ENTREP2: variants seen among roughly 807,000 people sequenced by gnomAD.
ENTREP2 encodes protein ENTREP2.
the ENTREP2 span, among the ~76,000 whole-genome samples, chr15:29,401,473 G>A: frequency 3.3e-5 from 5 of 152,152 alleles, no homozygotes; most frequent in Non-Finnish European, 5.9e-5. Context: ...CAACGAGACT[G>A]GAAACATTTT....
chr15:29,550,320 G>A, the ENTREP2 span, among the ~76,000 whole-genome samples: 7 of 152,220 alleles, frequency 4.6e-5, no homozygotes, highest in Admixed American at 3.9e-4. Context: ...AAACAGAGTT[G>A]ATCACCAATG....
the ENTREP2 span, among the ~76,000 whole-genome samples, chr15:29,253,917 G>A: frequency 6.6e-6 from 1 of 152,078 alleles, no homozygotes; most frequent in East Asian, 1.9e-4. Flanking sequence ...CTGAGGTATA[G>A]TTCATATATG....
the ENTREP2 span, among the ~76,000 whole-genome samples, chr15:29,455,131 T>C: frequency 1.3e-5 from 2 of 152,278 alleles, no homozygotes; most frequent in African/African-American, 4.8e-5. Context: ...GCTGTCTCCA[T>C]GTGAAGAAGC....
At chr15:29,618,046 T>C in the ENTREP2 span, among the ~76,000 whole-genome samples, 2 of 152,136 alleles carry the variant, frequency 1.3e-5, no homozygotes, top group African/African-American at 2.4e-5. Flanking sequence ...TTTCGTGGGC[T>C]GCCTATCTCT....
chr15:29,402,064 A>G, the ENTREP2 span, among the ~76,000 whole-genome samples: 4 of 152,102 alleles, frequency 2.6e-5, no homozygotes, highest in South Asian at 8.3e-4. Flanking sequence ...CCATGCATGT[A>G]TTATGTTAAG....
At chr15:29,234,713 C>A in the ENTREP2 span, 5 of 1,528,760 alleles carry the variant, frequency 3.3e-6, no homozygotes, top group Non-Finnish European at 4.5e-6. Flanking sequence ...ATAAGTAGTT[C>A]CATTGTGGCA....
At chr15:29,128,897 T>C in the ENTREP2 span, 3 of 1,507,762 alleles carry the variant, frequency 2.0e-6, no homozygotes, top group Non-Finnish European at 2.7e-6. Context: ...TCAAGGCGGC[T>C]GGTCCGTGGG....
the ENTREP2 span, among the ~76,000 whole-genome samples, chr15:29,161,315 G>A: frequency 1.8e-4 from 28 of 152,240 alleles, no homozygotes; most frequent in East Asian, 4.2e-3. Flanking sequence ...GCCCCATAAC[G>A]CAGCTCACCA....
the ENTREP2 span, among the ~76,000 whole-genome samples, chr15:29,489,328 G>A: frequency 7.2e-5 from 11 of 152,276 alleles, no homozygotes; most frequent in African/African-American, 2.4e-4. Context: ...ATATCAAAAG[G>A]TAATGTAATA....
chr15:29,577,312 AGG>A, the ENTREP2 span, among the ~76,000 whole-genome samples: 2 of 41,386 alleles, frequency 4.8e-5, no homozygotes, highest in African/African-American at 1.4e-4. Context: ...GGACTCAAAG[AGG>A]TGTGTGTGTG....
At chr15:29,225,995 C>T in the ENTREP2 span, among the ~76,000 whole-genome samples, 2 of 152,156 alleles carry the variant, frequency 1.3e-5, no homozygotes, top group African/African-American at 2.4e-5. Flanking sequence ...TTGTCTGACA[C>T]TGTCCACCAC....
the ENTREP2 span, chr15:29,675,306 G>C: frequency 1.3e-5 from 2 of 152,302 alleles, no homozygotes; most frequent in Non-Finnish European, 1.5e-5. Context: ...CTGGGACCGC[G>C]GGATGGGAAC....
the ENTREP2 span, among the ~76,000 whole-genome samples, chr15:29,390,225 T>C: frequency 6.6e-6 from 1 of 152,164 alleles, no homozygotes; most frequent in Non-Finnish European, 1.5e-5. Context: ...TTCTGACATG[T>C]CAGTAATCCT....
chr15:29,207,994 C>T, the ENTREP2 span, among the ~76,000 whole-genome samples: 1 of 152,310 alleles, frequency 6.6e-6, no homozygotes, highest in Admixed American at 6.5e-5. Context: ...GACACAAACC[C>T]CCACGCTGGC....
the ENTREP2 span, among the ~76,000 whole-genome samples, chr15:29,219,954 C>T: frequency 6.6e-6 from 1 of 151,906 alleles, no homozygotes; most frequent in Non-Finnish European, 1.5e-5. Context: ...TCTCACAAGT[C>T]ACCACTAAAG....
At chr15:29,314,274 T>C in the ENTREP2 span, among the ~76,000 whole-genome samples, 1 of 152,190 alleles carries the variant, frequency 6.6e-6, no homozygotes, top group Non-Finnish European at 1.5e-5. Flanking sequence ...AAAGCTCTAC[T>C]GTGGGTAAAA....
the ENTREP2 span, among the ~76,000 whole-genome samples, chr15:29,332,290 A>ACT: frequency 6.6e-6 from 1 of 152,158 alleles, no homozygotes; most frequent in Non-Finnish European, 1.5e-5. Flanking sequence ...CCCCAGTGTA[A>ACT]CTCTATAGCC....
the ENTREP2 span, among the ~76,000 whole-genome samples, chr15:29,655,795 G>A: frequency 6.6e-6 from 1 of 152,140 alleles, no homozygotes; most frequent in African/African-American, 2.4e-5. Flanking sequence ...GGAGGCCAAG[G>A]GGGGTGGATC....
the ENTREP2 span, among the ~76,000 whole-genome samples, chr15:29,357,600 G>A: frequency 1.3e-5 from 2 of 152,162 alleles, no homozygotes; most frequent in African/African-American, 4.8e-5. Flanking sequence ...CACTTTGGGA[G>A]GCCGAGGCGG....
Sources: allele counts gnomAD v4.1 joint callset (sites outside exome capture counted in the v4.1 genomes callset), GRCh38; gene constraint gnomAD v4.1.1; transcripts MANE v1.5; gene names NCBI Gene and HGNC (gene_info 2026-07-23, HGNC 2026-07-21).